The following SPICE1 variants were observed in gnomAD, a reference collection of about 807,000 sequenced individuals.
SPICE1 encodes the protein spindle and centriole-associated protein 1.
Under a neutral mutation model 102.7 loss-of-function variants are expected in SPICE1, and 75 were observed. That is an observed-to-expected ratio of 0.73 (90% CI 0.61 to 0.88). The LOEUF is 0.88. Ranked by LOEUF, SPICE1 falls within the 40% of genes least tolerant of loss-of-function variation. The pLI, the probability that SPICE1 is intolerant of heterozygous loss-of-function variation, is 0.00. For synonymous variants in SPICE1, 308 were observed against 350.3 expected, an observed-to-expected ratio of 0.88 and a Z score of 1.35; for missense variants, 979 against 1,020.1, an observed-to-expected ratio of 0.96 and a Z score of 0.55.
intron 7 of SPICE1, among the ~76,000 whole-genome samples, chr3:113,484,849 G>T (rs1404207443): frequency 2.0e-5 from 3 of 152,104 alleles, no homozygotes; most frequent in Non-Finnish European, 4.4e-5. Flanking sequence ...TGTTGATTTG[G>T]GGTGGAGAGT....
intron 1 of SPICE1, among the ~76,000 whole-genome samples, chr3:113,513,675 G>A (rs1937263576): frequency 6.6e-6 from 1 of 152,090 alleles, no homozygotes; most frequent in Admixed American, 6.5e-5. Flanking sequence ...TCAGATAACA[G>A]AATCTATTAA....
At chr3:113,459,520 A>G (rs1935876309) in intron 12 of SPICE1, 9 of 984,716 alleles carry the variant, frequency 9.1e-6, no homozygotes, top group Non-Finnish European at 8.4e-6. Flanking sequence ...GGATAATTAA[A>G]AGCTTTCTCA....
At chr3:113,473,042 A>C (rs1173833216) in intron 7 of SPICE1, among the ~76,000 whole-genome samples, 1 of 152,230 alleles carries the variant, frequency 6.6e-6, no homozygotes, top group African/African-American at 2.4e-5. Flanking sequence ...CTTTGAAAAA[A>C]ATTTAGATGA....
At chr3:113,477,777 G>C (rs1371096181) in intron 7 of SPICE1, among the ~76,000 whole-genome samples, 2 of 136,322 alleles carry the variant, frequency 1.5e-5, no homozygotes, top group African/African-American at 2.8e-5. Flanking sequence ...CACACTCTGG[G>C]AACTGTTGTG....
At chr3:113,474,404 C>T (rs1936286539) in intron 7 of SPICE1, among the ~76,000 whole-genome samples, 1 of 151,984 alleles carries the variant, frequency 6.6e-6, no homozygotes, top group South Asian at 2.1e-4. Context: ...ACAAGGATAC[C>T]CAGGAATTGA....
chr3:113,500,515 T>C (rs1936988626), intron 3 of SPICE1, among the ~76,000 whole-genome samples: 1 of 150,938 alleles, frequency 6.6e-6, no homozygotes, highest in African/African-American at 2.4e-5. Flanking sequence ...GTGGTTATGT[T>C]GAAAAAAAAA....
At position 113,443,484 on chromosome 3, in the gene SPICE1, G is replaced by T. The variant is rs1935436724; in HGVS notation, c.*1823C>A. 6.6e-6 allele frequency: 1 copy of T among 152,204 alleles called. No individual in the cohort carries two copies. Among genetic ancestry groups the T allele is most frequent in the African/African-American group, 2.4e-5 (1 of 41,446 alleles). The allele number at this position is 152,204 out of a possible 1,614,324, so 9.4% of individuals were successfully genotyped here. On this transcript the variant is annotated 3_prime_UTR_variant, in exon 18 of 18. Coordinates refer to ENST00000295872, the MANE Select transcript of SPICE1 (RefSeq NM_144718.4). ...CAGCATCCTCATCTGTAAAGGTGCT[G>T]GGAGAGGAGGAAGCATTTACATACC...
intron 7 of SPICE1, among the ~76,000 whole-genome samples, chr3:113,488,484 A>C (rs1157475497): frequency 6.6e-6 from 1 of 152,268 alleles, no homozygotes; most frequent in Non-Finnish European, 1.5e-5. Flanking sequence ...CATTATTCTA[A>C]GTGAAGTAAC....
chr3:113,509,146 T>G (rs565706508), intron 1 of SPICE1, among the ~76,000 whole-genome samples: 1 of 152,316 alleles, frequency 6.6e-6, no homozygotes, highest in Non-Finnish European at 1.5e-5. Flanking sequence ...GAAAATGTTC[T>G]GAAATTAGAT....
rs1052479189 is a variant in SPICE1 at position 113,485,002 on chromosome 3, C to T, written c.611+3943G>A. On this transcript the variant is annotated intron_variant, in intron 7 of 17. Transcript: ENST00000295872. ...CCTACCCAAGGGAATCCAGGAGGGA[C>T]TGAGCCTGAGGAACCTTGCACTCTG... Among the ~76,000 whole-genome samples the T allele has an allele frequency of 9.2e-5, 14 of 152,134 alleles. 1 individual carries two copies. The South Asian group carries it at 2.9e-3, about 32-fold the overall frequency.
chr3:113,466,166 G>C (rs1936052064), intron 10 of SPICE1, among the ~76,000 whole-genome samples: 1 of 152,204 alleles, frequency 6.6e-6, no homozygotes, highest in African/African-American at 2.4e-5. Context: ...TTAGTCATGA[G>C]AGTTAGTACA....
At chr3:113,500,721 T>C (rs533809988) in intron 3 of SPICE1, among the ~76,000 whole-genome samples, 4 of 152,316 alleles carry the variant, frequency 2.6e-5, no homozygotes, top group African/African-American at 7.2e-5. Flanking sequence ...CCATTTTCCC[T>C]TGAGTTTGAA....
At chr3:113,465,928 T>C (rs1936045797) in intron 10 of SPICE1, 144 bp from the exon 11 acceptor site, 1 of 713,738 alleles carries the variant, frequency 1.4e-6, no homozygotes, top group Non-Finnish European at 2.2e-6. Flanking sequence ...TTAAAAGGTT[T>C]ATTATATTTA....
chr3:113,472,086 C>T (rs1280239966), intron 7 of SPICE1, among the ~76,000 whole-genome samples: 1 of 152,250 alleles, frequency 6.6e-6, no homozygotes, highest in Non-Finnish European at 1.5e-5. Flanking sequence ...CATGCCCACC[C>T]TAATACTGCA....
intron 4 of SPICE1, among the ~76,000 whole-genome samples, chr3:113,494,478 T>C (rs1214500857): frequency 6.6e-6 from 1 of 151,766 alleles, no homozygotes; most frequent in African/African-American, 2.4e-5. Flanking sequence ...AAACCCCGTC[T>C]CTACTAAAAA....
At chr3:113,457,078 C>G in intron 13 of SPICE1, 58 bp downstream of exon 13, 1 of 1,502,646 alleles carries the variant, frequency 6.7e-7, no homozygotes, top group Non-Finnish European at 9.2e-7. Flanking sequence ...GAAAGTAATA[C>G]ATTGCACAAA....
At chr3:113,491,624 C>CAAAAAAAAAAAAAAA (rs869171154) in intron 6 of SPICE1, among the ~76,000 whole-genome samples, 13 of 38,106 alleles carry the variant, frequency 3.4e-4, no homozygotes, top group Non-Finnish European at 4.5e-4. Context: ...GACTCCGTCT[C>CAAAAAAAAAAAAAAA]AAAAAAAAAA....
At position 113,453,752 on chromosome 3, in the gene SPICE1, G is replaced by A. The variant is rs1935715204; in HGVS notation, c.1856C>T (p.Ala619Val). Residue 619 changes from alanine to valine, a missense_variant, in exon 14 of 18, where the codon GCT becomes GTT. Transcript: ENST00000295872. ...MGEDLENKTQ[A>V]PFVNLSQPLC... ...GGGCTGTGAGAGGTTAACAAAAGGA[G>A]CCTGAGTTTTGTTCTCCAAATCTTC... 3.7e-6 allele frequency: 6 copies of A among 1,614,108 alleles called. No individual in the cohort carries two copies. Among genetic ancestry groups the A allele is most frequent in the Non-Finnish European group, 5.1e-6 (6 of 1,180,020 alleles).
chr3:113,479,902 T>C (rs1311617916), intron 7 of SPICE1, among the ~76,000 whole-genome samples: 4 of 151,624 alleles, frequency 2.6e-5, no homozygotes, highest in Admixed American at 6.6e-5. Context: ...AAAGCAAAAA[T>C]TGATGAGGAA....
Sources: gnomAD v4.1 joint callset for allele counts (sites outside exome capture counted in the v4.1 genomes callset) on GRCh38, gnomAD v4.1.1 for gene constraint, MANE v1.5 for transcripts, NCBI Gene and HGNC (gene_info 2026-07-23, HGNC 2026-07-21) for gene names.